Variants in ICA1L observed in about 807,000 individuals in gnomAD.
ICA1L encodes islet cell autoantigen 1 like.
Under a neutral mutation model 61.3 loss-of-function variants are expected in ICA1L, and 50 were observed. That is an observed-to-expected ratio of 0.82 (90% confidence interval 0.65 to 1.03). The LOEUF (loss-of-function observed/expected upper bound fraction) is 1.03. Ranked by LOEUF, ICA1L falls within the 50% of genes least tolerant of loss-of-function variation. The probability of loss-of-function intolerance (pLI) is 0.00; values close to 1 mark genes in which losing one functional copy is unlikely to be tolerated. For synonymous variants in ICA1L, 161 were observed against 191.3 expected (o/e 0.84, Z 1.31); for missense variants, 508 against 556.7 (o/e 0.91, Z 0.88).
chr2:202,863,706 A>G (rs1687361805), intron 1 of ICA1L, among the ~76,000 whole-genome samples: 1 of 151,710 alleles, frequency 6.6e-6, no homozygotes, highest in Admixed American at 6.6e-5. Context: ...GGGCGCCTGT[A>G]GTCCCAGCTA....
chr2:202,800,778 G>A (rs956343253), intron 9 of ICA1L, among the ~76,000 whole-genome samples: 1 of 151,646 alleles, frequency 6.6e-6, no homozygotes, highest in Non-Finnish European at 1.5e-5. Context: ...GCTCAGTTTG[G>A]GATACTATAA....
chr2:202,795,831 C>T (rs1332942405), intron 10 of ICA1L, among the ~76,000 whole-genome samples: 1 of 151,820 alleles, frequency 6.6e-6, no homozygotes, highest in Non-Finnish European at 1.5e-5. Context: ...TCACTTGAGG[C>T]CAGGAATTCG....
At chr2:202,799,859 ATTCAAAGG>A (rs1458173109) in intron 9 of ICA1L, among the ~76,000 whole-genome samples, 4 of 148,694 alleles carry the variant, frequency 2.7e-5, no homozygotes, top group Non-Finnish European at 1.5e-5. Context: ...TCTACTTTTA[ATTCAAAGG>A]CTGCTTTATA....
Position 202,788,850 on chromosome 2 carries a change from T to C in ICA1L, c.1223A>G (p.His408Arg). 1 of 1,614,064 alleles carries C rather than the reference T, an allele frequency of 6.2e-7. No individual in the cohort carries two copies. Among genetic ancestry groups the C allele is most frequent in the Non-Finnish European group, 8.5e-7 (1 of 1,180,004 alleles). Reference sequence around the variant, plus strand: ...CTTACTGTTGAACGCTCCAGCCACATGAAAGCCAAGGTCAAAGAGTTGTGA... The same window carrying C: ...CTTACTGTTGAACGCTCCAGCCACACGAAAGCCAAGGTCAAAGAGTTGTGA... Reference protein sequence around the residue: ...LPSQLFDLGFHVAGAFNNWVS... With the variant: ...LPSQLFDLGFRVAGAFNNWVS... The change falls in exon 11 of 13, where the codon CAT becomes CGT. Residue 408 changes from histidine (H) to arginine (R), a missense_variant. Transcript: ENST00000358299.
chr2:202,789,135 T>G, intron 10 of ICA1L, 48 bp from the exon 11 acceptor site: 1 of 1,457,616 alleles, frequency 6.9e-7, no homozygotes, highest in South Asian at 1.2e-5. Flanking sequence ...TTTTAGGAAA[T>G]GAGAGTAAGA....
Position 202,779,438 on chromosome 2 carries a change from T to C in ICA1L, c.*95A>G. On this transcript the variant is annotated 3_prime_UTR_variant, in exon 13 of 13. Transcript: ENST00000358299. ...GGTGTTATATTCACAAACACCGTGC[T>C]TTTGTGTGCGGGTTACAATCTAAAT... is the stretch of plus-strand genomic sequence containing the variant. 2.8e-6 allele frequency: 2 copies of C among 706,664 alleles called. No homozygotes were observed. Among genetic ancestry groups the C allele is most frequent in the South Asian group, 2.0e-5 (1 of 50,718 alleles). 43.8% of individuals were successfully genotyped at this position (706,664 alleles called of 1,614,324 possible). A position where few individuals can be genotyped will look rare whatever the true frequency, so the allele number is the denominator to read the frequency against.
chr2:202,866,455 C>G (rs1263500589), intron 1 of ICA1L, among the ~76,000 whole-genome samples: 1 of 152,148 alleles, frequency 6.6e-6, no homozygotes, highest in African/African-American at 2.4e-5. Context: ...TACGCAGTCT[C>G]AGGTATTCCT....
chr2:202,862,402 G>A (rs111788611), intron 1 of ICA1L, among the ~76,000 whole-genome samples: 2 of 151,630 alleles, frequency 1.3e-5, no homozygotes, highest in African/African-American at 2.4e-5. Context: ...TGCAGGGAGT[G>A]AGCAATGATC....
At chr2:202,831,215 C>T (rs1694007113) in intron 1 of ICA1L, among the ~76,000 whole-genome samples, 1 of 152,128 alleles carries the variant, frequency 6.6e-6, no homozygotes, top group East Asian at 1.9e-4. Context: ...CATTTAATTG[C>T]CAAACCTCTT....
At chr2:202,804,845 A>G (rs1051522388) in intron 9 of ICA1L, among the ~76,000 whole-genome samples, 2 of 152,212 alleles carry the variant, frequency 1.3e-5, no homozygotes, top group African/African-American at 4.8e-5. Flanking sequence ...CTTGGTTAAA[A>G]TCAATAACAA....
intron 9 of ICA1L, among the ~76,000 whole-genome samples, chr2:202,806,749 C>T (rs1693239460): frequency 6.6e-6 from 1 of 151,996 alleles, no homozygotes; most frequent in African/African-American, 2.4e-5. Context: ...TACCTCTATC[C>T]CTAATGTCCC....
chr2:202,838,868 G>A (rs1306243905), intron 1 of ICA1L, among the ~76,000 whole-genome samples: 1 of 152,092 alleles, frequency 6.6e-6, no homozygotes, highest in Non-Finnish European at 1.5e-5. Context: ...AAAGGGATTG[G>A]GATCCAGTGC....
intron 10 of ICA1L, among the ~76,000 whole-genome samples, chr2:202,791,843 T>C (rs1024384701): frequency 1.3e-5 from 2 of 151,388 alleles, no homozygotes; most frequent in African/African-American, 2.4e-5. Flanking sequence ...AAAACTCTTG[T>C]CTCAAAAAAA....
chr2:202,829,079 T>C (rs1429239641), intron 1 of ICA1L, 63 bp from the exon 2 acceptor site: 1 of 1,383,316 alleles, frequency 7.2e-7, no homozygotes, highest in Non-Finnish European at 9.7e-7. Context: ...CTGGGCACGG[T>C]GGCTCACGCC....
chr2:202,780,371 G>A (rs1353358692), intron 12 of ICA1L, among the ~76,000 whole-genome samples: 2 of 152,178 alleles, frequency 1.3e-5, no homozygotes. Flanking sequence ...ACAACTTCTT[G>A]TTCATCAGAT....
At chr2:202,852,031 T>C (rs1431026083) in intron 1 of ICA1L, among the ~76,000 whole-genome samples, 2 of 152,238 alleles carry the variant, frequency 1.3e-5, no homozygotes, top group East Asian at 1.9e-4. Flanking sequence ...TTTGTCAATT[T>C]TGGCTTTTGT....
At position 202,774,901 on chromosome 2, in the gene ICA1L, CCA is replaced by C. The variant is rs1307019562; in HGVS notation, c.*4630_*4631del. ...ACACTGCAAAATCTCACCCACAACA[CCA>C]GTCAGAACTTCATCTCCTTTTTGTA... On this transcript the variant is annotated 3_prime_UTR_variant, in exon 13 of 13. Coordinates refer to ENST00000358299, the MANE Select transcript of ICA1L (RefSeq NM_001288622.3). 1 of 152,234 alleles carries C rather than the reference CCA, an allele frequency of 6.6e-6. No individual in the cohort carries two copies. The highest frequency in any genetic ancestry group is 1.5e-5 in the Non-Finnish European group (1 of 68,064). The allele number at this position is 152,234 out of a possible 1,614,324, so 9.4% of individuals were successfully genotyped here.
rs1574347996 is a variant in ICA1L at position 202,814,725 on chromosome 2, A to C, written c.843T>G (p.Gly281=). The C allele has an allele frequency of 6.2e-7, 1 of 1,613,714 alleles. No homozygotes were observed. The highest frequency in any genetic ancestry group is 1.7e-5 in the Admixed American group (1 of 60,006). ...SEDNKDEQIG[G]FLTEQLNKLV... is the part of the protein sequence containing the mutation. ...ACTTATTGAGCTGTTCAGTAAGAAA[A>C]CCGCCTATTTGTTCATCTTTATTGT... Residue 281 remains glycine, a synonymous_variant, in exon 8 of 13, where the codon GGT becomes GGG. Transcript: ENST00000358299.
chr2:202,789,845 C>G (rs933448105), intron 10 of ICA1L, among the ~76,000 whole-genome samples: 1 of 152,132 alleles, frequency 6.6e-6, no homozygotes, highest in African/African-American at 2.4e-5. Context: ...ACAGACCAAA[C>G]CAAAATGGAG....
Sources: allele counts gnomAD v4.1 joint callset (sites outside exome capture counted in the v4.1 genomes callset), GRCh38; gene constraint gnomAD v4.1.1; transcripts MANE v1.5; gene names NCBI Gene and HGNC (gene_info 2026-07-23, HGNC 2026-07-21).